The following ZNF140 variants were observed in gnomAD, a reference collection of about 807,000 sequenced individuals.
ZNF140 encodes zinc finger protein 140 (clone pHZ-39).
ZNF140 carries 13 observed loss-of-function variants against 12.9 expected under a neutral mutation model. The ratio of observed to expected loss-of-function variants is 1.01; its 90% confidence interval spans 0.66 to 1.60. The LOEUF (loss-of-function observed/expected upper bound fraction) is 1.60, where lower values mean the gene tolerates loss of function less well. Among genes scored for constraint, ZNF140 ranks in the 40% most tolerant of loss-of-function variants. The pLI is 0.00. For synonymous variants in ZNF140, 214 were observed against 186.7 expected (o/e 1.15, Z -1.19); for missense variants, 531 against 548.8 (o/e 0.97, Z 0.32).
intron 2 of ZNF140, 90 bp downstream of exon 2, chr12:133,081,419 C>T (rs1387093663): frequency 1.1e-5 from 3 of 270,862 alleles, no homozygotes; most frequent in Non-Finnish European, 2.1e-5. Flanking sequence ...CTCCTGTCGC[C>T]CAGGCAGTGG....
chr12:133,105,488 C>T (rs1955558417), intron 4 of ZNF140, 22 bp from the exon 5 acceptor site: 1 of 1,519,456 alleles, frequency 6.6e-7, no homozygotes, highest in Non-Finnish European at 8.9e-7. Context: ...GAAACATTCA[C>T]TTTTTTTTTG....
intron 2 of ZNF140, 21 bp downstream of exon 2, chr12:133,081,350 TA>T: frequency 8.9e-6 from 2 of 224,514 alleles, no homozygotes; most frequent in South Asian, 8.9e-5. Context: ...GATTGATAAA[TA>T]TATATATATA....
chr12:133,091,515 G>A lies in ZNF140; in HGVS notation c.232+7954G>A, dbSNP rs1162779482. ...TCTTCCCTTTCTACATAGGCACAGT[G>A]ACAGTCTGATCTCTCTTTCTTTTCC... On this transcript the variant is annotated intron_variant, in intron 4 of 4. Coordinates refer to ENST00000355557, the MANE Select transcript of ZNF140 (RefSeq NM_003440.4). Among the ~76,000 whole-genome samples the A allele has an allele frequency of 4.0e-5, 6 of 150,568 alleles. 1 individual carries two copies. Among genetic ancestry groups the A allele is most frequent in the Admixed American group, 1.3e-4 (2 of 15,156 alleles).
At chr12:133,086,841 A>G (rs986135020) in intron 4 of ZNF140, among the ~76,000 whole-genome samples, 1 of 152,192 alleles carries the variant, frequency 6.6e-6, no homozygotes, top group Admixed American at 6.5e-5. Context: ...CAACTTTGCT[A>G]TCTTCTGTAT....
At chr12:133,095,589 G>A (rs957936456) in intron 4 of ZNF140, among the ~76,000 whole-genome samples, 98 of 151,682 alleles carry the variant, frequency 6.5e-4, no homozygotes, top group Non-Finnish European at 1.0e-4. Flanking sequence ...GGGCCCAGGG[G>A]ACCGGCATCA....
At chr12:133,081,370 T>TATAA (rs1444173802) in intron 2 of ZNF140, 41 bp downstream of exon 2, 40 of 235,954 alleles carry the variant, frequency 1.7e-4, no homozygotes, top group Middle Eastern at 2.7e-3. Flanking sequence ...TATATATATA[T>TATAA]AAATTTTTAT....
chr12:133,104,509 G>A (rs907755251), intron 4 of ZNF140, among the ~76,000 whole-genome samples: 4 of 151,892 alleles, frequency 2.6e-5, no homozygotes, highest in East Asian at 1.9e-4. Context: ...ATGCCATCAC[G>A]CCTGGCTAAT....
intron 2 of ZNF140, 169 bp from the exon 3 acceptor site, chr12:133,082,934 A>C: frequency 2.2e-6 from 2 of 915,364 alleles, no homozygotes. Context: ...TATACAACAA[A>C]ACACAAGAGC....
chr12:133,097,660 T>G (rs1021699012), intron 4 of ZNF140, among the ~76,000 whole-genome samples: 2 of 149,068 alleles, frequency 1.3e-5, no homozygotes, highest in African/African-American at 5.0e-5. Context: ...AAAAAAAAAT[T>G]ACTTATTTCT....
chr12:133,095,698 G>A (rs1955061065), intron 4 of ZNF140, among the ~76,000 whole-genome samples: 2 of 151,844 alleles, frequency 1.3e-5, no homozygotes, highest in South Asian at 2.1e-4. Context: ...AGGAGAGCAG[G>A]GTGATAATAA....
chr12:133,093,399 C>T (rs1211430421), intron 4 of ZNF140: 3 of 698,014 alleles, frequency 4.3e-6, no homozygotes, highest in Non-Finnish European at 7.8e-6. Context: ...GTTTGTGTTA[C>T]TCTTGTGTTT....
intron 4 of ZNF140, among the ~76,000 whole-genome samples, chr12:133,085,321 C>T (rs1440840143): frequency 6.6e-6 from 1 of 152,154 alleles, no homozygotes; most frequent in South Asian, 2.1e-4. Flanking sequence ...CTGTGCCTGG[C>T]CTAATTCTAC....
chr12:133,101,929 A>C (rs1476691848), intron 4 of ZNF140, among the ~76,000 whole-genome samples: 1 of 151,976 alleles, frequency 6.6e-6, no homozygotes, highest in Non-Finnish European at 1.5e-5. Context: ...TATCTGTCTC[A>C]GATTCTGATG....
chr12:133,101,209 G>C (rs1593796768), intron 4 of ZNF140, among the ~76,000 whole-genome samples: 1 of 152,070 alleles, frequency 6.6e-6, no homozygotes, highest in African/African-American at 2.4e-5. Context: ...TTTGGTTTAT[G>C]ACATTAATTT....
Position 133,106,617 on chromosome 12 carries a change from T to G in ZNF140, c.1340T>G (p.Phe447Cys). The stretch of plus-strand genomic sequence containing the variant: ...AACCCCTATGAATATGAAAATTCAT[T>G]TAATTACCACTCATTCCTTACTGAA... Reference protein sequence around the residue: ...LDNPYEYENSFNYHSFLTEHQ With the variant: ...LDNPYEYENSCNYHSFLTEHQ The change falls in exon 5 of 5, where the codon TTT becomes TGT. Residue 447 changes from phenylalanine to cysteine, a missense_variant. By Grantham distance (205) the Phe-to-Cys change is radical. Transcript: ENST00000355557. 1 of 1,604,032 alleles carries G rather than the reference T, an allele frequency of 6.2e-7. No homozygotes were observed. The highest frequency in any genetic ancestry group is 8.5e-7 in the Non-Finnish European group (1 of 1,176,928).
chr12:133,098,331 A>G (rs1955214695), intron 4 of ZNF140, among the ~76,000 whole-genome samples: 1 of 151,428 alleles, frequency 6.6e-6, no homozygotes, highest in South Asian at 2.1e-4. Flanking sequence ...CCACCTCCCG[A>G]GTTCAACAGA....
intron 4 of ZNF140, among the ~76,000 whole-genome samples, chr12:133,088,524 G>T (rs1223282695): frequency 6.6e-6 from 1 of 152,190 alleles, no homozygotes; most frequent in Non-Finnish European, 1.5e-5. Context: ...AGGACATTGT[G>T]GTTGCTTCCA....
rs891519532 is a variant in ZNF140, at chr12:133,088,470, A to G, written c.232+4909A>G. 1.4e-4 allele frequency among the ~76,000 whole-genome samples: 22 copies of G among 152,332 alleles called. No homozygotes were observed. In the East Asian group the frequency reaches 4.2e-3, roughly 29 times the overall value. ...TCTTTTTAGCACTGAATAATATTCCATTGTCTGCATGTACTGCAGTTTACT... is the reference window on the plus strand; with the variant it reads ...TCTTTTTAGCACTGAATAATATTCCGTTGTCTGCATGTACTGCAGTTTACT... On this transcript the variant is annotated intron_variant, in intron 4 of 4. Coordinates refer to ENST00000355557, the MANE Select transcript of ZNF140 (RefSeq NM_003440.4).
At chr12:133,099,601 G>A (rs2137559449) in intron 4 of ZNF140, among the ~76,000 whole-genome samples, 1 of 152,318 alleles carries the variant, frequency 6.6e-6, no homozygotes, top group East Asian at 1.9e-4. Flanking sequence ...GGTGGGAGGT[G>A]CTTGAGCCCA....
Sources: gnomAD v4.1 joint callset for allele counts (sites outside exome capture counted in the v4.1 genomes callset) on GRCh38, gnomAD v4.1.1 for gene constraint, MANE v1.5 for transcripts, NCBI Gene and HGNC (gene_info 2026-07-23, HGNC 2026-07-21) for gene names.